The following GRIK1 variants were observed in gnomAD, a reference collection of about 807,000 sequenced individuals.
GRIK1 encodes the protein glutamate receptor ionotropic, kainate 1.
GRIK1 carries 69 observed loss-of-function variants against 105.7 expected under a neutral mutation model. The ratio of observed to expected loss-of-function variants is 0.65; its 90% CI spans 0.54 to 0.80. The LOEUF is 0.80. Among genes scored for constraint, GRIK1 ranks in the 30% least tolerant of loss-of-function variants. The probability of loss-of-function intolerance (pLI) is 0.00; values close to 1 mark genes in which losing one functional copy is unlikely to be tolerated. For synonymous variants in GRIK1, 438 were observed against 431.3 expected (o/e 1.02, Z -0.19); for missense variants, 1,109 against 1,167.3 (o/e 0.95, Z 0.73).
intron 1 of GRIK1, among the ~76,000 whole-genome samples, chr21:29,790,230 G>A (rs1414033357): frequency 6.6e-6 from 1 of 151,990 alleles, no homozygotes; most frequent in Non-Finnish European, 1.5e-5. Context: ...TGTATTTTTG[G>A]TAGAGACGGG....
At position 29,572,156 on chromosome 21, in the gene GRIK1, G is replaced by T. The variant is rs1424174884; in HGVS notation, c.2130+4808C>A. ...GTGATTTAGGGCGGAACTACCCCGAGAGCAAAAAAGCCGAAACTTTTCTTT... is the reference window on the plus strand; with the variant it reads ...GTGATTTAGGGCGGAACTACCCCGATAGCAAAAAAGCCGAAACTTTTCTTT... On this transcript the variant is annotated intron_variant, in intron 14 of 17. Coordinates refer to ENST00000327783, the MANE Select transcript of GRIK1 (RefSeq NM_001330994.2). Among the ~76,000 whole-genome samples, 3 of 152,236 alleles carry T rather than the reference G, an allele frequency of 2.0e-5. No homozygotes were observed. The East Asian group carries it at 5.8e-4, about 29-fold the overall frequency.
chr21:29,544,270 G>A (rs1601071103), intron 16 of GRIK1, among the ~76,000 whole-genome samples: 1 of 152,170 alleles, frequency 6.6e-6, no homozygotes, highest in East Asian at 1.9e-4. Context: ...ATTTTTAAAT[G>A]GCATGCACAA....
At chr21:29,754,373 G>C (rs1169907493) in intron 1 of GRIK1, among the ~76,000 whole-genome samples, 1 of 152,132 alleles carries the variant, frequency 6.6e-6, no homozygotes, top group Admixed American at 6.5e-5. Flanking sequence ...TCAAGAATAT[G>C]GAAGGAAAAA....
At chr21:29,626,786 T>C (rs1228689949) in intron 7 of GRIK1, among the ~76,000 whole-genome samples, 2 of 152,232 alleles carry the variant, frequency 1.3e-5, no homozygotes, top group Non-Finnish European at 2.9e-5. Context: ...CAATCAGTTA[T>C]ACTAAATGAA....
At chr21:29,866,008 T>C (rs1335547777) in intron 1 of GRIK1, among the ~76,000 whole-genome samples, 1 of 152,144 alleles carries the variant, frequency 6.6e-6, no homozygotes, top group East Asian at 1.9e-4. Flanking sequence ...CAAGGATGAC[T>C]GACATCTGCT....
At chr21:29,632,286 A>C (rs1488077252) in intron 7 of GRIK1, among the ~76,000 whole-genome samples, 1 of 152,084 alleles carries the variant, frequency 6.6e-6, no homozygotes, top group Non-Finnish European at 1.5e-5. Flanking sequence ...AAGTTTCATG[A>C]GAGTGAGGAC....
chr21:29,763,928 A>G (rs967836317), intron 1 of GRIK1: 5 of 151,802 alleles, frequency 3.3e-5, no homozygotes, highest in Admixed American at 3.3e-4. Context: ...TCCAAAGCTC[A>G]TGTATTTCCT....
intron 1 of GRIK1, among the ~76,000 whole-genome samples, chr21:29,708,306 T>G (rs956398361): frequency 1.3e-5 from 2 of 152,216 alleles, no homozygotes; most frequent in African/African-American, 4.8e-5. Context: ...GTCTTTTGCC[T>G]TTTTTATATC....
At chr21:29,693,811 A>G in intron 2 of GRIK1, 85 bp downstream of exon 2, 1 of 969,126 alleles carries the variant, frequency 1.0e-6, no homozygotes, top group South Asian at 1.5e-5. Flanking sequence ...TGCCCGCTTT[A>G]AAAGAGGGCA....
At chr21:29,864,638 T>C (rs537739636) in intron 1 of GRIK1, among the ~76,000 whole-genome samples, 3 of 152,214 alleles carry the variant, frequency 2.0e-5, no homozygotes, top group Non-Finnish European at 4.4e-5. Flanking sequence ...AATAGTGTAG[T>C]TTGAACTTTT....
intron 6 of GRIK1, among the ~76,000 whole-genome samples, chr21:29,644,287 A>G (rs566744880): frequency 6.6e-6 from 1 of 152,198 alleles, no homozygotes; most frequent in African/African-American, 2.4e-5. Flanking sequence ...ATTCATGGTC[A>G]TGGATCTTTA....
chr21:29,879,428 A>G (rs2069313870), intron 1 of GRIK1, among the ~76,000 whole-genome samples: 1 of 152,106 alleles, frequency 6.6e-6, no homozygotes, highest in Non-Finnish European at 1.5e-5. Context: ...TACACTGGCT[A>G]CCAAATTGTT....
At chr21:29,741,746 G>C (rs2064935364) in intron 1 of GRIK1, among the ~76,000 whole-genome samples, 1 of 152,156 alleles carries the variant, frequency 6.6e-6, no homozygotes, top group African/African-American at 2.4e-5. Flanking sequence ...CATATTTTAA[G>C]TTATCCAACA....
intron 4 of GRIK1, among the ~76,000 whole-genome samples, chr21:29,665,628 C>CTATA (rs1215181966): frequency 2.6e-5 from 4 of 152,206 alleles, no homozygotes; most frequent in Non-Finnish European, 5.9e-5. Context: ...TATATCTAAA[C>CTATA]GCTAGTAAGA....
intron 1 of GRIK1, among the ~76,000 whole-genome samples, chr21:29,723,948 C>G (rs566626201): frequency 8.5e-4 from 130 of 152,266 alleles, no homozygotes; most frequent in African/African-American, 3.1e-3. Context: ...CACAGCTGTT[C>G]CATAGGTCTT....
At chr21:29,573,853 GAAAAAAAA>G (rs35503363) in intron 14 of GRIK1, among the ~76,000 whole-genome samples, 1 of 114,126 alleles carries the variant, frequency 8.8e-6, no homozygotes, top group African/African-American at 3.1e-5. Flanking sequence ...ACTCCGTCTG[GAAAAAAAA>G]AAAAAAAAAA....
At chr21:29,573,133 C>T (rs550861842) in intron 14 of GRIK1, among the ~76,000 whole-genome samples, 4 of 152,192 alleles carry the variant, frequency 2.6e-5, no homozygotes, top group East Asian at 1.9e-4. Context: ...GTGCACAGGG[C>T]GTACTGCTAT....
At position 29,560,515 on chromosome 21, in the gene GRIK1, C is replaced by CTTTCTTTCTTT. The variant is rs1568815407; in HGVS notation, c.2356+1108_2356+1109insAAAGAAAGAAA. Among the ~76,000 whole-genome samples, 321 of 50,228 alleles carry CTTTCTTTCTTT rather than the reference C, an allele frequency of 6.4e-3. 39 individuals carry two copies. The highest frequency in any genetic ancestry group is 0.014 in the African/African-American group (126 of 9,208). The allele number at this position is 50,228 out of a possible 152,430, so 33.0% of individuals were successfully genotyped here. A position where few individuals can be genotyped will look rare whatever the true frequency, so the allele number is the denominator to read the frequency against. Reference sequence around the variant, plus strand: ...TCTTTCTTTCCTTCCTTCCTTCCTTCCTTCCTTTCTTTCTTTCTTTCTTTC... The same window carrying CTTTCTTTCTTT: ...TCTTTCTTTCCTTCCTTCCTTCCTTCTTTCTTTCTTTCTTCCTTTCTTTCTTTCTTTCTTTC... On this transcript the variant is annotated intron_variant, in intron 15 of 17. Coordinates refer to ENST00000327783, the MANE Select transcript of GRIK1 (RefSeq NM_001330994.2).
At chr21:29,858,624 G>A (rs2068538218) in intron 1 of GRIK1, among the ~76,000 whole-genome samples, 1 of 152,160 alleles carries the variant, frequency 6.6e-6, no homozygotes, top group Non-Finnish European at 1.5e-5. Context: ...ACAATTGCAT[G>A]AAAGTCTTCA....
Sources: allele counts gnomAD v4.1 joint callset (sites outside exome capture counted in the v4.1 genomes callset), GRCh38; gene constraint gnomAD v4.1.1; transcripts MANE v1.5; gene names NCBI Gene and HGNC (gene_info 2026-07-23, HGNC 2026-07-21).